The following GRHL3 variants were observed in gnomAD, a reference collection of about 807,000 sequenced individuals.
GRHL3 encodes the protein grainyhead like transcription factor 3.
GRHL3 carries 20 observed loss-of-function variants against 70.3 expected under a neutral mutation model. The ratio of observed to expected loss-of-function variants is 0.28; its 90% CI spans 0.20 to 0.41. The LOEUF is 0.41. Among genes scored for constraint, GRHL3 ranks in the 10% least tolerant of loss-of-function variants. GRHL3 has a pLI of 1.00. For missense variants in GRHL3, 637 were observed against 762.3 expected (o/e 0.84, Z 1.94); for synonymous variants, 299 against 299.9 (o/e 1.00, Z 0.03).
chr1:24,328,203 TG>T (rs1639464871), intron 1 of GRHL3, among the ~76,000 whole-genome samples: 1 of 152,258 alleles, frequency 6.6e-6, no homozygotes, highest in African/African-American at 2.4e-5. Flanking sequence ...AATGCTTTAC[TG>T]TGTAGTCCGA....
chr1:24,357,941 A>G (rs1640829057), downstream of GRHL3: 6 of 333,954 alleles, frequency 1.8e-5, no homozygotes, highest in South Asian at 1.2e-4. Context: ...AAAAGGTCTA[A>G]AAGGAGTAAA....
chr1:24,342,791 C>T lies in GRHL3; in HGVS notation c.1285+19C>T. On this transcript the variant is annotated intron_variant, in intron 10 of 15. Transcript: ENST00000361548. This position sits in a 1 kb window ranked among gnomAD's most constrained non-coding sequence, Gnocchi z 4.8. ...AACAGTGGTCAGTGGGGATCCAGGG[C>T]CTGGGTGGGCTCGGCTGGCGTGAAG... The T allele has an allele frequency of 6.2e-7, 1 of 1,613,858 alleles. No individual in the cohort carries two copies. Among genetic ancestry groups the T allele is most frequent in the East Asian group, 2.2e-5 (1 of 44,882 alleles).
Position 24,336,574 on chromosome 1 carries a change from C to T in GRHL3, c.359C>T (p.Thr120Ile), listed in dbSNP as rs1639823601. The T allele has an allele frequency of 6.2e-7, 1 of 1,613,898 alleles. No individual in the cohort carries two copies. The highest frequency in any genetic ancestry group is 8.5e-7 in the Non-Finnish European group (1 of 1,179,848). ...TTCCTGACAGAGAACGTGTCTGGAA[C>T]CCCAGAGTACCCAGATTTGCTCAAG... ...MKFLTENVSG[T>I]PEYPDLLKKN... The change falls in exon 4 of 16, where the codon ACC becomes ATC. Residue 120 changes from threonine to isoleucine, a missense_variant. This residue lies in a region of GRHL3 where 250 missense variants were observed against 248.6 expected (regional missense o/e 1.01). Coordinates refer to ENST00000361548, the MANE Select transcript of GRHL3 (RefSeq NM_198173.3).
downstream of GRHL3, among the ~76,000 whole-genome samples, chr1:24,360,067 T>C (rs1640997511): frequency 6.6e-6 from 1 of 152,244 alleles, no homozygotes; most frequent in South Asian, 2.1e-4. Flanking sequence ...GCTGCGGACC[T>C]GTGGCCCACC....
In GRHL3 at chr1:24,336,629, C is replaced by A; in HGVS notation, c.414C>A (p.Ala138=). 1 of 1,614,140 alleles carries A rather than the reference C, an allele frequency of 6.2e-7. No individual in the cohort carries two copies. Among genetic ancestry groups the A allele is most frequent in the African/African-American group, 1.3e-5 (1 of 75,048 alleles). The change falls in exon 4 of 16, where the codon GCC becomes GCA. Residue 138 remains alanine (A), a synonymous_variant. Coordinates refer to ENST00000361548, the MANE Select transcript of GRHL3 (RefSeq NM_198173.3). ...ATAACCTGATGAGCTTGGAGGGGGC[C>A]TTGCCCACCCCTGGCAAGGCAGCTC... ...KKNNLMSLEG[A]LPTPGKAAPL...
At chr1:24,319,783 C>G in intron 1 of GRHL3, 1 of 1,413,350 alleles carries the variant, frequency 7.1e-7, no homozygotes, top group Non-Finnish European at 9.3e-7. Flanking sequence ...TTTTCTCATT[C>G]TCTTTGCTGA....
downstream of GRHL3, chr1:24,358,464 C>A (rs1288911705): frequency 8.1e-7 from 1 of 1,232,758 alleles, no homozygotes; most frequent in Non-Finnish European, 1.2e-6. Context: ...CATGATCGGT[C>A]TCCTCCTGAG....
intron 14 of GRHL3, among the ~76,000 whole-genome samples, chr1:24,349,352 G>T (rs1462543007): frequency 6.6e-6 from 1 of 152,246 alleles, no homozygotes; most frequent in Non-Finnish European, 1.5e-5. Flanking sequence ...TATGCTGTTT[G>T]AGCTCCGCAT....
chr1:24,342,351 C>A lies in GRHL3; in HGVS notation c.1206+78C>A. 3 of 1,270,400 alleles carry A rather than the reference C, an allele frequency of 2.4e-6. No individual in the cohort carries two copies. Among genetic ancestry groups the A allele is most frequent in the Non-Finnish European group, 3.3e-6 (3 of 909,164 alleles). 78.7% of individuals were successfully genotyped at this position (1,270,400 alleles called of 1,614,324 possible). A position where few individuals can be genotyped will look rare whatever the true frequency, so the allele number is the denominator to read the frequency against. Reference sequence around the variant, plus strand: ...AACCCTGACCCGTGCGTCCTCCTAGCTTCTCTGGGTTGTCTGTCTCTCTCT... The same window carrying A: ...AACCCTGACCCGTGCGTCCTCCTAGATTCTCTGGGTTGTCTGTCTCTCTCT... On this transcript the variant is annotated intron_variant, in intron 9 of 15. Transcript: ENST00000361548. The surrounding 1 kb of genome is among the most constrained non-coding windows in gnomAD (Gnocchi z 4.8).
downstream of GRHL3, among the ~76,000 whole-genome samples, chr1:24,358,816 A>C (rs548676646): frequency 6.6e-6 from 1 of 152,298 alleles, no homozygotes; most frequent in African/African-American, 2.4e-5. Flanking sequence ...TCAAACTCTG[A>C]CTTCCTGCCT....
At chr1:24,329,660 C>T (rs1443544601) in intron 1 of GRHL3, among the ~76,000 whole-genome samples, 2 of 152,176 alleles carry the variant, frequency 1.3e-5, no homozygotes, top group African/African-American at 2.4e-5. Context: ...GTAAGAAGCA[C>T]GGCCTAACGA....
intron 15 of GRHL3, 128 bp downstream of exon 15, chr1:24,350,250 C>G: frequency 1.5e-6 from 1 of 653,494 alleles, no homozygotes; most frequent in Non-Finnish European, 2.7e-6. Flanking sequence ...GCCAAAGCCA[C>G]TGGTCACCTC....
intron 3 of GRHL3, among the ~76,000 whole-genome samples, chr1:24,336,099 C>T (rs1639798611): frequency 6.6e-6 from 1 of 152,176 alleles, no homozygotes; most frequent in African/African-American, 2.4e-5. Context: ...TTCTTCCACC[C>T]TCCCCACTTT....
Position 24,354,572 on chromosome 1 carries a change from C to A in GRHL3, c.*84C>A. On this transcript the variant is annotated 3_prime_UTR_variant, in exon 16 of 16. Coordinates refer to ENST00000361548, the MANE Select transcript of GRHL3 (RefSeq NM_198173.3). Reference sequence around the variant, plus strand: ...ACGCCACACACAACCTCTCCACATGCCTCAGCGCTGTTACTTGAATGCCTT... The same window carrying A: ...ACGCCACACACAACCTCTCCACATGACTCAGCGCTGTTACTTGAATGCCTT... The A allele has an allele frequency of 3.6e-6, 3 of 826,982 alleles. No homozygotes were observed. In the South Asian group the frequency reaches 4.3e-5, roughly 12 times the overall value. The allele number at this position is 826,982 out of a possible 1,614,324, so 51.2% of individuals were successfully genotyped here.
At position 24,334,108 on chromosome 1, in the gene GRHL3, C is replaced by G. The variant is rs1317123177; in HGVS notation, c.205-537C>G. 6.6e-6 allele frequency among the ~76,000 whole-genome samples: 1 copy of G among 152,208 alleles called. No homozygotes were observed. Among genetic ancestry groups the G allele is most frequent in the Non-Finnish European group, 1.5e-5 (1 of 68,046 alleles). ...CAAGCTTGAGGTTCTTCTTCCCACT[C>G]CCTGACTTGGGGCTCAGACTAATCA... On this transcript the variant is annotated intron_variant, in intron 2 of 15. Transcript: ENST00000361548. This position sits in a 1 kb window ranked among gnomAD's most constrained non-coding sequence, Gnocchi z 4.3.
downstream of GRHL3, among the ~76,000 whole-genome samples, chr1:24,360,138 T>C (rs1569956693): frequency 1.3e-5 from 2 of 152,316 alleles, no homozygotes; most frequent in South Asian, 2.1e-4. Context: ...GTAGTTTAAA[T>C]ATTTTTAAGA....
At chr1:24,338,904 A>G (rs1045909711) in intron 7 of GRHL3, among the ~76,000 whole-genome samples, 4 of 152,208 alleles carry the variant, frequency 2.6e-5, no homozygotes, top group African/African-American at 7.2e-5. Context: ...TACTCAAAGC[A>G]TAGTTGTGAA....
chr1:24,339,136 G>A lies in GRHL3; in HGVS notation c.953-532G>A, dbSNP rs563095725. Among the ~76,000 whole-genome samples the A allele has an allele frequency of 5.9e-5, 9 of 152,274 alleles. No individual in the cohort carries two copies. In the South Asian group the frequency reaches 1.9e-3, roughly 32 times the overall value. On this transcript the variant is annotated intron_variant, in intron 7 of 15. Transcript: ENST00000361548. ...TGGCAAAGCTTGGGATTCCCTCTGG[G>A]GCTTTGGGCAGATCTGCTTCTCAGG...
chr1:24,331,824 AC>A (rs1639627103), intron 2 of GRHL3, among the ~76,000 whole-genome samples: 2 of 152,104 alleles, frequency 1.3e-5, no homozygotes, highest in South Asian at 4.1e-4. Context: ...TCATTCATTC[AC>A]TGGAGAGGAG....
Sources: gnomAD v4.1 joint callset for allele counts (sites outside exome capture counted in the v4.1 genomes callset) on GRCh38, gnomAD v4.1.1 for gene constraint, gnomAD v4.1.1 regional missense constraint, Gnocchi (gnomAD v3.1) non-coding constraint, MANE v1.5 for transcripts, NCBI Gene and HGNC (gene_info 2026-07-23, HGNC 2026-07-21) for gene names.